Variants in TAFA1 observed in about 807,000 individuals in gnomAD.
TAFA1 encodes TAFA chemokine like family member 1, also known as chemokine-like protein TAFA-1.
TAFA1 carries 4 observed loss-of-function variants against 18.5 expected under a neutral mutation model. The ratio of observed to expected loss-of-function variants is 0.22; its 90% CI spans 0.11 to 0.49. TAFA1 has a LOEUF of 0.49. TAFA1 is among the 20% of genes least tolerant of loss of function. The pLI is 0.98. For synonymous variants in TAFA1, 56 were observed against 55.2 expected, an observed-to-expected ratio of 1.01 and a Z score of -0.06; for missense variants, 147 against 169.0, an observed-to-expected ratio of 0.87 and a Z score of 0.72.
intron 2 of TAFA1, among the ~76,000 whole-genome samples, chr3:68,203,678 T>G (rs958292344): frequency 2.0e-5 from 3 of 151,630 alleles, no homozygotes; most frequent in Non-Finnish European, 4.4e-5. Flanking sequence ...GAATTGGTAT[T>G]TATCTTTTCT....
At chr3:68,158,483 A>G (rs1023837674) in intron 2 of TAFA1, among the ~76,000 whole-genome samples, 1 of 151,812 alleles carries the variant, frequency 6.6e-6, no homozygotes, top group African/African-American at 2.4e-5. Context: ...TAGATACTAG[A>G]TACATTGTGG....
chr3:68,139,439 A>C (rs2065644235), intron 2 of TAFA1, among the ~76,000 whole-genome samples: 1 of 152,198 alleles, frequency 6.6e-6, no homozygotes, highest in Admixed American at 6.6e-5. Context: ...AATGGAAAAC[A>C]AGTAACATTA....
intron 2 of TAFA1, among the ~76,000 whole-genome samples, chr3:68,072,773 G>T (rs2064773001): frequency 6.6e-6 from 1 of 152,104 alleles, no homozygotes; most frequent in Non-Finnish European, 1.5e-5. Context: ...GTCCCCAGAG[G>T]GATGCCTACT....
intron 2 of TAFA1, among the ~76,000 whole-genome samples, chr3:68,323,269 T>C (rs2068721722): frequency 6.6e-6 from 1 of 152,106 alleles, no homozygotes; most frequent in South Asian, 2.1e-4. Flanking sequence ...CAGCCACCTG[T>C]ACAATACATT....
chr3:68,046,436 C>T (rs1023703067), intron 2 of TAFA1, among the ~76,000 whole-genome samples: 1 of 152,180 alleles, frequency 6.6e-6, no homozygotes, highest in Non-Finnish European at 1.5e-5. Flanking sequence ...TGAATACACT[C>T]TCTCACAGTT....
intron 3 of TAFA1, among the ~76,000 whole-genome samples, chr3:68,464,721 G>A (rs1343296233): frequency 6.6e-6 from 1 of 152,130 alleles, no homozygotes; most frequent in Non-Finnish European, 1.5e-5. Flanking sequence ...AAAAAGTAAT[G>A]TAGCCAATGC....
At chr3:68,530,586 C>T (rs1327331637) in intron 3 of TAFA1, among the ~76,000 whole-genome samples, 2 of 152,112 alleles carry the variant, frequency 1.3e-5, no homozygotes, top group African/African-American at 4.8e-5. Context: ...ATAATCACTT[C>T]AGATAAGAGA....
At chr3:68,049,006 G>A (rs1322379716) in intron 2 of TAFA1, among the ~76,000 whole-genome samples, 1 of 152,130 alleles carries the variant, frequency 6.6e-6, no homozygotes, top group Admixed American at 6.6e-5. Flanking sequence ...TCATACGGAA[G>A]TTCTATTTTT....
In TAFA1 at chr3:68,077,843, G is replaced by T. The variant is rs571540650; in HGVS notation, c.118+71099G>T. Among the ~76,000 whole-genome samples the T allele has an allele frequency of 6.0e-4, 91 of 152,142 alleles. 2 individuals are homozygous for T. The highest frequency in any genetic ancestry group is 2.1e-3 in the African/African-American group (86 of 41,410). ...TAAAGTAGTTTTTTTCCAATTCTGT[G>T]AAGAAAGGCATTGGTAGCTTGATGG... On this transcript the variant is annotated intron_variant, in intron 2 of 4. Transcript: ENST00000478136.
chr3:68,476,553 C>T (rs947712612), intron 3 of TAFA1, among the ~76,000 whole-genome samples: 1 of 152,046 alleles, frequency 6.6e-6, no homozygotes, highest in African/African-American at 2.4e-5. Context: ...TGAATAGTTT[C>T]ACATGATTAA....
At chr3:68,525,759 T>G (rs559795022) in intron 3 of TAFA1, among the ~76,000 whole-genome samples, 1 of 152,342 alleles carries the variant, frequency 6.6e-6, no homozygotes, top group East Asian at 1.9e-4. Context: ...TTATGTTTTT[T>G]GAAGTTAATT....
intron 2 of TAFA1, among the ~76,000 whole-genome samples, chr3:68,023,435 C>T (rs1257293039): frequency 1.3e-5 from 2 of 152,160 alleles, no homozygotes; most frequent in African/African-American, 4.8e-5. Flanking sequence ...TCACAACTCA[C>T]TGGCCAGACC....
At chr3:68,411,215 A>C (rs1211171044) in intron 2 of TAFA1, among the ~76,000 whole-genome samples, 1 of 152,202 alleles carries the variant, frequency 6.6e-6, no homozygotes, top group South Asian at 2.1e-4. Flanking sequence ...TCACTGTATC[A>C]TGGGTGGGCC....
intron 2 of TAFA1, among the ~76,000 whole-genome samples, chr3:68,121,248 AATGTGTGT>A (rs1315740378): frequency 1.3e-5 from 1 of 74,978 alleles, no homozygotes; most frequent in Admixed American, 1.6e-4. Context: ...AATGTACATT[AATGTGTGT>A]GTGTGTGTGT....
intron 2 of TAFA1, among the ~76,000 whole-genome samples, chr3:68,248,548 A>G (rs2067128597): frequency 6.6e-6 from 1 of 152,062 alleles, no homozygotes; most frequent in Non-Finnish European, 1.5e-5. Flanking sequence ...TGGTTGGAAG[A>G]CAATGTACGG....
At chr3:68,018,282 C>T (rs764293067) in intron 2 of TAFA1, among the ~76,000 whole-genome samples, 48 of 152,148 alleles carry the variant, frequency 3.2e-4, no homozygotes, top group South Asian at 6.2e-4. Flanking sequence ...GAAGTGGCAA[C>T]CATATTCTGG....
rs10610707 is a variant in TAFA1, at chr3:68,021,185, C to CAAAAA, written c.118+14464_118+14468dup. On this transcript the variant is annotated intron_variant, in intron 2 of 4. Coordinates refer to ENST00000478136, the MANE Select transcript of TAFA1 (RefSeq NM_213609.4). ...TAGTCAACAGAACAAGACCCTGTCT[C>CAAAAA]AAAAAAAAAAAAAAAAAAAAAAAAA... Among the ~76,000 whole-genome samples, 406 of 56,068 alleles carry CAAAAA rather than the reference C, an allele frequency of 7.2e-3. 112 individuals are homozygous for CAAAAA. Among genetic ancestry groups the CAAAAA allele is most frequent in the East Asian group, 0.013 (24 of 1,876 alleles). The allele number at this position is 56,068 out of a possible 152,430, so 36.8% of individuals were successfully genotyped here.
At chr3:68,324,603 A>G (rs1304970443) in intron 2 of TAFA1, among the ~76,000 whole-genome samples, 1 of 152,158 alleles carries the variant, frequency 6.6e-6, no homozygotes, top group Non-Finnish European at 1.5e-5. Flanking sequence ...GCTCACAAGT[A>G]TTTGGTTGGT....
intron 3 of TAFA1, among the ~76,000 whole-genome samples, chr3:68,523,918 C>A (rs2073065689): frequency 6.6e-6 from 1 of 152,140 alleles, no homozygotes; most frequent in African/African-American, 2.4e-5. Context: ...TCGTGCTATA[C>A]CAGTACATTG....
Sources: gnomAD v4.1 joint callset for allele counts (sites outside exome capture counted in the v4.1 genomes callset) on GRCh38, gnomAD v4.1.1 for gene constraint, MANE v1.5 for transcripts, NCBI Gene and HGNC (gene_info 2026-07-23, HGNC 2026-07-21) for gene names.